VRK2: variants seen among roughly 807,000 people sequenced by gnomAD.
The protein encoded by VRK2 is VRK serine/threonine kinase 2.
In VRK2, 60 loss-of-function variants were observed where a neutral mutation model predicts 57.6. The observed-to-expected ratio is 1.04, with a 90% CI of 0.85 to 1.29. The LOEUF (loss-of-function observed/expected upper bound fraction) is 1.29, where lower values mean the gene tolerates loss of function less well. Ranked by LOEUF, VRK2 falls within the 50% of genes most tolerant of loss-of-function variation. The pLI is 0.00. For synonymous variants in VRK2, 231 were observed against 199.2 expected, an observed-to-expected ratio of 1.16 and a Z score of -1.35; for missense variants, 705 against 588.1, an observed-to-expected ratio of 1.20 and a Z score of -2.06.
At chr2:58,086,204 TTTGA>T (rs1275175558) in intron 4 of VRK2, 131 bp from the exon 5 acceptor site, 8 of 692,708 alleles carry the variant, frequency 1.2e-5, no homozygotes, top group Middle Eastern at 4.1e-4. Flanking sequence ...GATAGAGATG[TTTGA>T]TTGAAAAAAA....
chr2:57,950,234 C>T (rs779553021), intron 1 of VRK2, among the ~76,000 whole-genome samples: 5 of 152,192 alleles, frequency 3.3e-5, no homozygotes, highest in South Asian at 2.1e-4. Context: ...TATTGAAAAA[C>T]GATGCCATCT....
chr2:57,929,652 C>A (rs1025662931), intron 1 of VRK2, among the ~76,000 whole-genome samples: 1 of 152,100 alleles, frequency 6.6e-6, no homozygotes, highest in South Asian at 2.1e-4. Flanking sequence ...GCCACCAAAG[C>A]TGGGAATGTG....
chr2:57,998,204 T>C (rs1367200579), intron 1 of VRK2, among the ~76,000 whole-genome samples: 1 of 152,238 alleles, frequency 6.6e-6, no homozygotes, highest in African/African-American at 2.4e-5. Context: ...ATTGTTACTA[T>C]ATGCAAGTAT....
At chr2:58,088,256 G>C (rs151300938) in intron 5 of VRK2, 85 bp from the exon 6 acceptor site, 8 of 936,570 alleles carry the variant, frequency 8.5e-6, no homozygotes, top group Non-Finnish European at 1.3e-5. Context: ...TAGGTTGAGC[G>C]TAATTTTTCT....
intron 12 of VRK2, among the ~76,000 whole-genome samples, chr2:58,157,374 G>A (rs995628697): frequency 5.3e-5 from 8 of 152,072 alleles, no homozygotes; most frequent in South Asian, 2.1e-4. Context: ...TTTGTTGTGG[G>A]GGTGCTGTCC....
intron 1 of VRK2, among the ~76,000 whole-genome samples, chr2:58,014,563 T>C (rs1673517297): frequency 6.6e-6 from 1 of 152,224 alleles, no homozygotes; most frequent in African/African-American, 2.4e-5. Flanking sequence ...TGTTGAATAA[T>C]CCAAAAGACC....
At chr2:57,992,846 C>G (rs1457233545) in intron 1 of VRK2, among the ~76,000 whole-genome samples, 1 of 152,198 alleles carries the variant, frequency 6.6e-6, no homozygotes, top group African/African-American at 2.4e-5. Flanking sequence ...AGTGTTGTTT[C>G]TTTATGATCA....
chr2:57,940,741 A>G (rs1353471343), intron 1 of VRK2, among the ~76,000 whole-genome samples: 2 of 152,190 alleles, frequency 1.3e-5, no homozygotes, highest in Non-Finnish European at 2.9e-5. Flanking sequence ...TAAAGAAACA[A>G]TTAAAACTCA....
In VRK2 at chr2:57,992,797, A is replaced by G. The variant is rs558194855; in HGVS notation, c.-438-32868A>G. 8.5e-4 allele frequency among the ~76,000 whole-genome samples: 129 copies of G among 152,166 alleles called. 1 individual carries two copies. The highest frequency in any genetic ancestry group is 2.4e-4 in the Non-Finnish European group (16 of 67,992). ...ATGATCCAGCCGCCTCGGCCTCCCA[A>G]AGTGCTGGGATTACAGGCGTGAGCC... On this transcript the variant is annotated intron_variant, in intron 1 of 15. Transcript: ENST00000417641.
intron 11 of VRK2, among the ~76,000 whole-genome samples, chr2:58,144,034 TAC>T (rs528781308): frequency 5.0e-4 from 75 of 150,610 alleles, no homozygotes; most frequent in Middle Eastern, 3.5e-3. Flanking sequence ...TATACATATA[TAC>T]ACACACACAC....
chr2:58,028,711 G>C (rs1674010383), intron 2 of VRK2, among the ~76,000 whole-genome samples: 1 of 150,004 alleles, frequency 6.7e-6, no homozygotes, highest in African/African-American at 2.5e-5. Flanking sequence ...ACAGGAAGGG[G>C]TACATCACAC....
intron 10 of VRK2, 44 bp from the exon 11 acceptor site, chr2:58,139,622 C>G: frequency 6.4e-7 from 1 of 1,552,970 alleles, no homozygotes; most frequent in Non-Finnish European, 8.8e-7. Context: ...CTTGACAATT[C>G]TTGCCAATTG....
At position 58,159,572 on chromosome 2, in the gene VRK2, G is replaced by A; in HGVS notation, c.1406G>A (p.Gly469Glu). The A allele has an allele frequency of 6.2e-7, 1 of 1,613,772 alleles. No individual in the cohort carries two copies. The highest frequency in any genetic ancestry group is 8.5e-7 in the Non-Finnish European group (1 of 1,179,794). The stretch of plus-strand genomic sequence containing the variant: ...ATCACAGACTTAGAAAGTTCAACTG[G>A]ACTTTGGCCTACAATTTCCCAGTTT... ...TGITDLESST[G>E]LWPTISQFTL... The change falls in exon 13 of 13, where the codon GGA (glycine) becomes GAA (glutamate). Residue 469 changes from glycine to glutamate, a missense_variant. By Grantham distance (98) the Gly-to-Glu change is moderately conservative. Coordinates refer to ENST00000340157, the MANE Select transcript of VRK2 (RefSeq NM_006296.7).
intron 1 of VRK2, among the ~76,000 whole-genome samples, chr2:57,926,400 C>T (rs1278839513): frequency 6.7e-6 from 1 of 148,520 alleles, no homozygotes; most frequent in Non-Finnish European, 1.5e-5. Flanking sequence ...TTGGGTCCTC[C>T]AGTGTCCTCC....
intron 7 of VRK2, among the ~76,000 whole-genome samples, chr2:58,113,810 C>G (rs72951082): frequency 0.036 from 5,464 of 152,244 alleles, 332 homozygotes; most frequent in African/African-American, 0.12. Flanking sequence ...GGGCGTATAC[C>G]TGCAACTCAC....
At chr2:58,007,292 T>C (rs1197472634) in intron 1 of VRK2, among the ~76,000 whole-genome samples, 1 of 151,948 alleles carries the variant, frequency 6.6e-6, no homozygotes, top group Non-Finnish European at 1.5e-5. Flanking sequence ...TTTATGTATG[T>C]ATATGTAATT....
intron 1 of VRK2, among the ~76,000 whole-genome samples, chr2:58,025,115 C>T (rs558361431): frequency 2.6e-5 from 4 of 152,254 alleles, no homozygotes; most frequent in East Asian, 1.9e-4. Flanking sequence ...AGTAGAGTGG[C>T]TAATAGCACA....
At chr2:57,974,537 C>T (rs534915379) in intron 1 of VRK2, among the ~76,000 whole-genome samples, 1 of 151,790 alleles carries the variant, frequency 6.6e-6, no homozygotes, top group African/African-American at 2.4e-5. Flanking sequence ...TAAATCTAGT[C>T]TCATAAAAAT....
intron 1 of VRK2, among the ~76,000 whole-genome samples, chr2:57,935,168 G>T (rs1261353957): frequency 6.6e-6 from 1 of 152,182 alleles, no homozygotes; most frequent in Non-Finnish European, 1.5e-5. Context: ...TTGCATTGCT[G>T]TCTTTGCATT....
Sources: gnomAD v4.1 joint callset for allele counts (sites outside exome capture counted in the v4.1 genomes callset) on GRCh38, gnomAD v4.1.1 for gene constraint, MANE v1.5 for transcripts, NCBI Gene and HGNC (gene_info 2026-07-23, HGNC 2026-07-21) for gene names.